The following TTLL13 variants were observed in gnomAD, a reference collection of about 807,000 sequenced individuals.
TTLL13 encodes the protein tubulin tyrosine ligase like 13.
chr15:90,257,098 A>G, the TTLL13 span: 1 of 1,593,670 alleles, frequency 6.3e-7, no homozygotes, highest in East Asian at 2.2e-5. Context: ...TAGGCACTTC[A>G]AAAGTGTTAT....
At chr15:90,262,941 C>T in the TTLL13 span, 1 of 1,530,066 alleles carries the variant, frequency 6.5e-7, no homozygotes, top group Non-Finnish European at 8.7e-7. Context: ...GGAGATCCTG[C>T]ATTTATCTCT....
the TTLL13 span, chr15:90,258,054 A>G: frequency 6.2e-7 from 1 of 1,614,178 alleles, no homozygotes; most frequent in Non-Finnish European, 8.5e-7. Context: ...GTCGACACTC[A>G]ACATCTGGCT....
chr15:90,256,375 G>A, the TTLL13 span: 50 of 1,582,150 alleles, frequency 3.2e-5, no homozygotes, highest in Admixed American at 7.4e-4. Flanking sequence ...AAGCCAGGGA[G>A]GAAGCTGGTC....
chr15:90,264,123 T>C, the TTLL13 span: 1 of 1,015,516 alleles, frequency 9.8e-7, no homozygotes, highest in East Asian at 2.6e-5. Context: ...AGCATAGAGC[T>C]TGGATGCCCC....
the TTLL13 span, chr15:90,258,875 C>G: frequency 6.2e-7 from 1 of 1,614,152 alleles, no homozygotes; most frequent in Middle Eastern, 1.7e-4. Flanking sequence ...GGAGGATAAG[C>G]GGCGAGTCAA....
At chr15:90,261,993 T>C in the TTLL13 span, 1 of 1,526,158 alleles carries the variant, frequency 6.6e-7, no homozygotes, top group Admixed American at 2.0e-5. Context: ...CTCACTGAGC[T>C]TGCTTTCCAC....
chr15:90,263,742 T>A, the TTLL13 span: 1 of 687,260 alleles, frequency 1.5e-6, no homozygotes, highest in Non-Finnish European at 2.7e-6. Context: ...TCCTCTAGCC[T>A]AGATTTTGCT....
At chr15:90,261,101 A>G in the TTLL13 span, among the ~76,000 whole-genome samples, 294 of 142,880 alleles carry the variant, frequency 2.1e-3, 3 homozygotes, top group African/African-American at 7.3e-3. Flanking sequence ...TTTTTTTGAG[A>G]CTAGTCTCAC....
At chr15:90,251,495 A>T in the TTLL13 span, 1 of 1,503,600 alleles carries the variant, frequency 6.7e-7, no homozygotes, top group Non-Finnish European at 9.3e-7. Context: ...ATGTCTTTTC[A>T]TCTGAGTACC....
At chr15:90,261,870 C>G in the TTLL13 span, 2,669 of 650,706 alleles carry the variant, frequency 4.1e-3, 16 homozygotes, top group Middle Eastern at 0.015. Context: ...ATGGGCTTGG[C>G]AGCTTTCCCT....
the TTLL13 span, chr15:90,265,386 G>A: frequency 8.0e-7 from 1 of 1,246,272 alleles, no homozygotes; most frequent in African/African-American, 1.6e-5. Context: ...CCACCGAGGT[G>A]GCGGAGACAG....
chr15:90,262,886 A>C, the TTLL13 span: 2 of 1,425,468 alleles, frequency 1.4e-6, no homozygotes, highest in East Asian at 2.5e-5. Flanking sequence ...TAGAGTGGGC[A>C]GGAGGCCTGT....
the TTLL13 span, chr15:90,263,945 A>C: frequency 6.5e-7 from 1 of 1,532,024 alleles, no homozygotes; most frequent in African/African-American, 1.4e-5. Flanking sequence ...TACCATCTGC[A>C]GCCCAAGAAC....
At chr15:90,256,072 G>T in the TTLL13 span, 14 of 1,581,092 alleles carry the variant, frequency 8.9e-6, no homozygotes, top group South Asian at 1.2e-5. Context: ...ATAGCAGGAA[G>T]AGCTCCATGC....
At chr15:90,259,373 G>T in the TTLL13 span, among the ~76,000 whole-genome samples, 558 of 151,582 alleles carry the variant, frequency 3.7e-3, 7 homozygotes, top group African/African-American at 0.012. Context: ...CTGGGCAACA[G>T]AGTGAGACCC....
chr15:90,253,203 G>A, the TTLL13 span: 4 of 1,528,200 alleles, frequency 2.6e-6, no homozygotes, highest in Non-Finnish European at 3.6e-6. Context: ...TCCAGGGCTT[G>A]TTGCTGGTGT....
the TTLL13 span, chr15:90,250,953 C>T: frequency 1.9e-6 from 3 of 1,559,468 alleles, no homozygotes; most frequent in Non-Finnish European, 2.6e-6. Context: ...CTCCCTTCAA[C>T]ATCTGGAGGA....
At chr15:90,257,804 T>C in the TTLL13 span, 1 of 1,399,152 alleles carries the variant, frequency 7.1e-7, no homozygotes, top group Non-Finnish European at 1.0e-6. Context: ...AGCTGGCTCT[T>C]GGGAGGCTAA....
chr15:90,256,397 C>A, the TTLL13 span: 1 of 1,451,980 alleles, frequency 6.9e-7, no homozygotes, highest in Non-Finnish European at 9.5e-7. Context: ...TAGGCTTCTA[C>A]CCTTCCCACT....
Sources: allele counts gnomAD v4.1 joint callset (sites outside exome capture counted in the v4.1 genomes callset), GRCh38; gene constraint gnomAD v4.1.1; transcripts MANE v1.5; gene names NCBI Gene and HGNC (gene_info 2026-07-23, HGNC 2026-07-21).